Variants in HIVEP2 observed in about 807,000 individuals in gnomAD.
HIVEP2 encodes the protein HIVEP zinc finger 2.
HIVEP2 carries 14 observed loss-of-function variants against 180.7 expected under a neutral mutation model. That is an observed-to-expected ratio of 0.08 (90% confidence interval 0.05 to 0.12). The LOEUF is 0.12. HIVEP2 is among the 10% of genes least tolerant of loss of function. The pLI is 1.00. For synonymous variants in HIVEP2, 1,184 were observed against 1,136.4 expected (o/e 1.04, Z -0.84); for missense variants, 2,579 against 3,008.5 (o/e 0.86, Z 3.34).
chr6:142,846,132 C>T (rs1328562690), intron 1 of HIVEP2, among the ~76,000 whole-genome samples: 3 of 152,204 alleles, frequency 2.0e-5, no homozygotes, highest in Admixed American at 6.5e-5. Flanking sequence ...CCGCCAAAGA[C>T]GCCTGAGAGC....
chr6:142,912,400 T>C (rs532272285), intron 1 of HIVEP2, among the ~76,000 whole-genome samples: 5 of 152,334 alleles, frequency 3.3e-5, no homozygotes, highest in Admixed American at 2.0e-4. Context: ...GTAGAATTCA[T>C]ATATTTCTCC....
rs150634818 is a variant in HIVEP2, at chr6:142,769,440, C to G, written c.5187+112G>C. 11 of 965,600 alleles carry G rather than the reference C, an allele frequency of 1.1e-5. No individual in the cohort carries two copies. The African/African-American group carries it at 1.6e-4, about 14-fold the overall frequency. 59.8% of individuals were successfully genotyped at this position (965,600 alleles called of 1,614,324 possible). A position where few individuals can be genotyped will look rare whatever the true frequency, so the allele number is the denominator to read the frequency against. ...CAGACTTTCTGAAAACGCCCCCACA[C>G]TGACCTTCATTTTACTTGTATTTTT... On this transcript the variant is annotated intron_variant, in intron 5 of 9. Coordinates refer to ENST00000367603, the MANE Select transcript of HIVEP2 (RefSeq NM_006734.4).
intron 2 of HIVEP2, among the ~76,000 whole-genome samples, 151 bp downstream of exon 2, chr6:142,836,784 T>C (rs1935836926): frequency 1.3e-5 from 2 of 152,176 alleles, no homozygotes; most frequent in African/African-American, 4.8e-5. Context: ...TATTTTCATT[T>C]AGATAATATC....
At chr6:142,913,918 G>GAT (rs1313926566) in intron 1 of HIVEP2, among the ~76,000 whole-genome samples, 4 of 152,114 alleles carry the variant, frequency 2.6e-5, no homozygotes, top group Non-Finnish European at 4.4e-5. Flanking sequence ...GCAGCAAGTT[G>GAT]CACGTTTGCA....
chr6:142,936,060 C>T (rs1027017087), intron 1 of HIVEP2, among the ~76,000 whole-genome samples: 2 of 151,708 alleles, frequency 1.3e-5, no homozygotes, highest in African/African-American at 4.8e-5. Flanking sequence ...TGCAGTGAAC[C>T]GTGATCGCGC....
intron 2 of HIVEP2, among the ~76,000 whole-genome samples, chr6:142,812,113 T>C (rs13198398): frequency 6.6e-6 from 1 of 152,052 alleles, no homozygotes; most frequent in African/African-American, 2.4e-5. Context: ...GACTTGGAGA[T>C]GGAAGTCCAG....
chr6:142,825,726 T>C (rs754463108), intron 2 of HIVEP2, among the ~76,000 whole-genome samples: 1 of 152,120 alleles, frequency 6.6e-6, no homozygotes, highest in Non-Finnish European at 1.5e-5. Context: ...TGACTAAAAA[T>C]GCTATCGTGA....
intron 1 of HIVEP2, among the ~76,000 whole-genome samples, chr6:142,872,166 A>G (rs1280945508): frequency 6.6e-6 from 1 of 152,222 alleles, no homozygotes; most frequent in Non-Finnish European, 1.5e-5. Flanking sequence ...AACCTTCCTT[A>G]TCTTTAGTAG....
At chr6:142,872,647 A>C (rs1776321668) in intron 1 of HIVEP2, among the ~76,000 whole-genome samples, 1 of 152,142 alleles carries the variant, frequency 6.6e-6, no homozygotes, top group African/African-American at 2.4e-5. Context: ...CTAACAACCA[A>C]AGGAAACCAA....
intron 1 of HIVEP2, among the ~76,000 whole-genome samples, chr6:142,938,819 A>G (rs1778111977): frequency 6.6e-6 from 1 of 152,210 alleles, no homozygotes; most frequent in African/African-American, 2.4e-5. Flanking sequence ...AGAAAATGAA[A>G]CCATTAAATA....
intron 2 of HIVEP2, among the ~76,000 whole-genome samples, chr6:142,827,709 G>A (rs1352746820): frequency 6.6e-6 from 1 of 152,180 alleles, no homozygotes; most frequent in African/African-American, 2.4e-5. Flanking sequence ...TAGCAGGGAG[G>A]AGGAGGAAAG....
chr6:142,870,016 A>G (rs1347101718), intron 1 of HIVEP2, among the ~76,000 whole-genome samples: 1 of 152,142 alleles, frequency 6.6e-6, no homozygotes, highest in Non-Finnish European at 1.5e-5. Context: ...AGAGGCCACA[A>G]AGAGACAGGG....
rs190050373 is a variant in HIVEP2, at chr6:142,840,078, C to T, written c.-640-3031G>A. ...TGAGTTCAGAGTGAGAGAGAACAGA[C>T]CTCAAATACCACGGTCTCCAGAGTA... is the stretch of plus-strand genomic sequence containing the variant. On this transcript the variant is annotated intron_variant, in intron 1 of 9. Transcript: ENST00000367603. Among the ~76,000 whole-genome samples the T allele has an allele frequency of 1.3e-5, 2 of 152,168 alleles. 1 individual carries two copies. The highest frequency in any genetic ancestry group is 1.3e-4 in the Admixed American group (2 of 15,280).
At chr6:142,807,076 TAGA>T (rs1776572239) in intron 2 of HIVEP2, among the ~76,000 whole-genome samples, 1 of 152,094 alleles carries the variant, frequency 6.6e-6, no homozygotes, top group Admixed American at 6.5e-5. Flanking sequence ...AGGACTGAGT[TAGA>T]AGGATTTTAA....
rs1775481091 is a variant in HIVEP2 at position 142,769,970 on chromosome 6, C to T, written c.4769G>A (p.Gly1590Glu). The T allele has an allele frequency of 6.2e-7, 1 of 1,614,106 alleles. No individual in the cohort carries two copies. Among genetic ancestry groups the T allele is most frequent in the East Asian group, 2.2e-5 (1 of 44,886 alleles). ...MSPQSSSLPA[G>E]DGQLEEEGKG... ...CCCTTCCTCTTCCAGCTGACCATCT[C>T]CTGCTGGTAATGAAGAACTCTGTGG... The change falls in exon 5 of 10, where the codon GGA becomes GAA. Residue 1590 changes from glycine (G) to glutamate (E), a missense_variant. Around this residue, in one of 11 missense-constraint regions of HIVEP2, gnomAD observed 349 missense variants for 367.2 expected, o/e 0.95. Coordinates refer to ENST00000367603, the MANE Select transcript of HIVEP2 (RefSeq NM_006734.4).
At chr6:142,938,170 C>G (rs1002082557) in intron 1 of HIVEP2, among the ~76,000 whole-genome samples, 2 of 152,150 alleles carry the variant, frequency 1.3e-5, no homozygotes, top group Non-Finnish European at 2.9e-5. Context: ...CAAGTTTTCA[C>G]AGAAAGTTAA....
intron 1 of HIVEP2, among the ~76,000 whole-genome samples, chr6:142,892,205 T>C (rs570556148): frequency 1.7e-4 from 26 of 152,342 alleles, no homozygotes; most frequent in African/African-American, 6.3e-4. Context: ...GACAGGCTCT[T>C]GCACCCAGGT....
Position 142,771,978 on chromosome 6 carries a change from G to A in HIVEP2, c.2761C>T (p.Pro921Ser). The change falls in exon 5 of 10, where the codon CCC becomes TCC. Residue 921 changes from proline to serine, a missense_variant. This residue lies in a region of HIVEP2 where 51 missense variants were observed against 102.8 expected (regional missense o/e 0.50). Coordinates refer to ENST00000367603, the MANE Select transcript of HIVEP2 (RefSeq NM_006734.4). The surrounding 1 kb of genome is among the most constrained non-coding windows in gnomAD (Gnocchi z 5.4). Reference sequence around the variant, plus strand: ...TGGGAAAGGGTCTCACTTCTCTGGGGCCACTGAAATTCTTCCACAGGCTTC... The same window carrying A: ...TGGGAAAGGGTCTCACTTCTCTGGGACCACTGAAATTCTTCCACAGGCTTC... ...PEKPVEEFQW[P>S]QRSETLSQLP... 1 of 1,614,182 alleles carries A rather than the reference G, an allele frequency of 6.2e-7. No individual in the cohort carries two copies. The highest frequency in any genetic ancestry group is 8.5e-7 in the Non-Finnish European group (1 of 1,180,034).
At chr6:142,869,853 C>T (rs1165994944) in intron 1 of HIVEP2, among the ~76,000 whole-genome samples, 1 of 152,104 alleles carries the variant, frequency 6.6e-6, no homozygotes, top group East Asian at 1.9e-4. Flanking sequence ...GGTATTAATA[C>T]TATTAATCTT....
Sources: gnomAD v4.1 joint callset for allele counts (sites outside exome capture counted in the v4.1 genomes callset) on GRCh38, gnomAD v4.1.1 for gene constraint, gnomAD v4.1.1 regional missense constraint, Gnocchi (gnomAD v3.1) non-coding constraint, MANE v1.5 for transcripts, NCBI Gene and HGNC (gene_info 2026-07-23, HGNC 2026-07-21) for gene names.